Variants in DLGAP2 observed in about 807,000 individuals in gnomAD.
The protein encoded by DLGAP2 is disks large-associated protein 2.
DLGAP2 carries 26 observed loss-of-function variants against 100.3 expected under a neutral mutation model. The observed-to-expected ratio is 0.26, with a 90% confidence interval of 0.19 to 0.36. The LOEUF (loss-of-function observed/expected upper bound fraction) is 0.36. DLGAP2 is among the 10% of genes least tolerant of loss of function. The pLI is 1.00. For missense variants in DLGAP2, 1,858 were observed against 1,453.2 expected, an observed-to-expected ratio of 1.28 and a Z score of -4.53; for synonymous variants, 886 against 630.1, an observed-to-expected ratio of 1.41 and a Z score of -6.08.
chr8:1,292,803 C>T (rs866080272), intron 3 of DLGAP2, among the ~76,000 whole-genome samples: 2 of 152,032 alleles, frequency 1.3e-5, no homozygotes, highest in African/African-American at 2.4e-5. Context: ...CTTCTCGGAA[C>T]GCCTTCCCAA....
chr8:1,081,825 G>A (rs1164762031), intron 2 of DLGAP2, among the ~76,000 whole-genome samples: 1 of 152,072 alleles, frequency 6.6e-6, no homozygotes, highest in African/African-American at 2.4e-5. Context: ...CACCCACAGC[G>A]ACAAAGAAGA....
intron 2 of DLGAP2, among the ~76,000 whole-genome samples, chr8:1,213,296 A>C (rs2116792484): frequency 6.6e-6 from 1 of 152,326 alleles, no homozygotes; most frequent in Non-Finnish European, 1.5e-5. Context: ...GAGGAGGCCC[A>C]CATTTGTTTG....
In DLGAP2 at chr8:1,704,973, T is replaced by C. The variant is rs774630950; in HGVS notation, c.*3567T>C. Reference sequence around the variant, plus strand: ...TCGATGCCATATTAAGCAGCCACCGTTTCCACCCCTTTCATTAGAAGGCCC... The same window carrying C: ...TCGATGCCATATTAAGCAGCCACCGCTTCCACCCCTTTCATTAGAAGGCCC... On this transcript the variant is annotated 3_prime_UTR_variant, in exon 15 of 15. Transcript: ENST00000637795. 1 of 152,240 alleles carries C rather than the reference T, an allele frequency of 6.6e-6. No individual in the cohort carries two copies. Among genetic ancestry groups the C allele is most frequent in the Non-Finnish European group, 1.5e-5 (1 of 68,058 alleles). 9.4% of individuals were successfully genotyped at this position (152,240 alleles called of 1,614,324 possible).
At chr8:804,719 C>A (rs1419916066) in intron 1 of DLGAP2, among the ~76,000 whole-genome samples, 1 of 152,184 alleles carries the variant, frequency 6.6e-6, no homozygotes, top group Non-Finnish European at 1.5e-5. Flanking sequence ...TTAAGTCTTC[C>A]AGCAAGGGCA....
intron 2 of DLGAP2, among the ~76,000 whole-genome samples, chr8:1,078,102 G>A (rs1159545378): frequency 6.6e-6 from 1 of 152,042 alleles, no homozygotes; most frequent in African/African-American, 2.4e-5. Context: ...CCTAAATTTC[G>A]AGATGGGAGG....
At position 1,100,116 on chromosome 8, in the gene DLGAP2, G is replaced by A. The variant is rs867473782; in HGVS notation, c.74-158735G>A. On this transcript the variant is annotated intron_variant, in intron 2 of 14. Transcript: ENST00000637795. ...CATGAATCATCCCTTTGTCCAGCATGTACAGTGTGTGTAGGGAAAAGCTTT... is the reference window on the plus strand; with the variant it reads ...CATGAATCATCCCTTTGTCCAGCATATACAGTGTGTGTAGGGAAAAGCTTT... Among the ~76,000 whole-genome samples, 8 of 149,266 alleles carry A rather than the reference G, an allele frequency of 5.4e-5. No individual in the cohort carries two copies. In the South Asian group the frequency reaches 1.5e-3, roughly 28 times the overall value.
intron 3 of DLGAP2, among the ~76,000 whole-genome samples, chr8:1,319,757 T>C (rs1053302216): frequency 6.6e-6 from 1 of 152,042 alleles, no homozygotes; most frequent in African/African-American, 2.4e-5. Flanking sequence ...TGGGGGACAG[T>C]TTCCAGGCAG....
chr8:972,881 A>G (rs1800051320), intron 2 of DLGAP2, among the ~76,000 whole-genome samples: 1 of 152,276 alleles, frequency 6.6e-6, no homozygotes, highest in South Asian at 2.1e-4. Flanking sequence ...ACCGCCCTTA[A>G]TCCATTTAAC....
intron 1 of DLGAP2, among the ~76,000 whole-genome samples, chr8:796,411 C>T (rs185897259): frequency 6.6e-6 from 1 of 151,988 alleles, no homozygotes; most frequent in Non-Finnish European, 1.5e-5. Flanking sequence ...GATTTCCCTG[C>T]GACTGCCTGG....
intron 3 of DLGAP2, among the ~76,000 whole-genome samples, chr8:1,283,624 T>C (rs1284769993): frequency 6.6e-6 from 1 of 152,246 alleles, no homozygotes. Context: ...ATGATGCTGA[T>C]AGAATTTTCA....
At chr8:1,315,988 G>T (rs868866942) in intron 3 of DLGAP2, among the ~76,000 whole-genome samples, 1 of 70,476 alleles carries the variant, frequency 1.4e-5, no homozygotes, top group African/African-American at 5.1e-5. Context: ...AAAAATAGAG[G>T]CTGTGCGAGT....
Position 1,678,363 on chromosome 8 carries a change from C to T in DLGAP2, c.2438C>T (p.Thr813Ile). 1 of 1,614,028 alleles carries T rather than the reference C, an allele frequency of 6.2e-7. No individual in the cohort carries two copies. The highest frequency in any genetic ancestry group is 8.5e-7 in the Non-Finnish European group (1 of 1,179,904). The change falls in exon 12 of 15, where the codon ACC becomes ATC. Residue 813 changes from threonine (T) to isoleucine (I), a missense_variant. Coordinates refer to ENST00000637795, the MANE Select transcript of DLGAP2 (RefSeq NM_001346810.2). ...CGGCACTCCGAGCCCAGCACCCCCA[C>T]CCAGTACAGCGCGGTGAGAACTGTA... ...FQRHSEPSTP[T>I]QYSAVRTVRT... is the part of the protein sequence containing the mutation.
chr8:1,362,463 G>T (rs1802004267), intron 3 of DLGAP2, among the ~76,000 whole-genome samples: 1 of 152,084 alleles, frequency 6.6e-6, no homozygotes, highest in Non-Finnish European at 1.5e-5. Flanking sequence ...TGGTCCATGT[G>T]CAGCCTCCGG....
At chr8:1,516,122 T>C (rs1012430159) in intron 4 of DLGAP2, among the ~76,000 whole-genome samples, 4 of 150,732 alleles carry the variant, frequency 2.7e-5, no homozygotes, top group Admixed American at 2.0e-4. Context: ...AGTGACTGAG[T>C]GAGGAAAGGA....
At chr8:962,716 C>T (rs2129010403) in intron 2 of DLGAP2, among the ~76,000 whole-genome samples, 1 of 152,296 alleles carries the variant, frequency 6.6e-6, no homozygotes, top group Middle Eastern at 3.4e-3. Context: ...TCCCTGGAGA[C>T]ATGATGTGCT....
At chr8:1,465,864 C>G (rs563763838) in intron 3 of DLGAP2, among the ~76,000 whole-genome samples, 1 of 152,168 alleles carries the variant, frequency 6.6e-6, no homozygotes, top group Admixed American at 6.6e-5. Context: ...TTGGGACTCA[C>G]AATGAGAAAG....
chr8:1,568,211 C>T (rs1232791245), intron 6 of DLGAP2, among the ~76,000 whole-genome samples: 2 of 145,214 alleles, frequency 1.4e-5, no homozygotes, highest in Non-Finnish European at 3.0e-5. Context: ...GGCCCCCATG[C>T]CACTGTCCAC....
chr8:1,440,348 T>A (rs951723925), intron 3 of DLGAP2, among the ~76,000 whole-genome samples: 4 of 152,220 alleles, frequency 2.6e-5, no homozygotes, highest in African/African-American at 9.7e-5. Context: ...AGTCAATATT[T>A]TATACATTGA....
intron 2 of DLGAP2, among the ~76,000 whole-genome samples, chr8:1,010,643 G>T (rs1801254345): frequency 1.3e-5 from 2 of 152,350 alleles, no homozygotes; most frequent in Non-Finnish European, 2.9e-5. Context: ...GCAAGAATGG[G>T]TGAGGCTTTT....
Sources: gnomAD v4.1 joint callset for allele counts (sites outside exome capture counted in the v4.1 genomes callset) on GRCh38, gnomAD v4.1.1 for gene constraint, MANE v1.5 for transcripts, NCBI Gene and HGNC (gene_info 2026-07-23, HGNC 2026-07-21) for gene names.